Variants in SAMD13 observed in about 807,000 individuals in gnomAD.
SAMD13 encodes sterile alpha motif domain-containing protein 13.
A neutral mutation model predicts 12.4 loss-of-function variants in SAMD13; 9 were observed. The ratio of observed to expected loss-of-function variants is 0.72; its 90% confidence interval spans 0.44 to 1.26. The LOEUF (loss-of-function observed/expected upper bound fraction) is 1.26, where lower values mean the gene tolerates loss of function less well. Ranked by LOEUF, SAMD13 falls within the 50% of genes most tolerant of loss-of-function variation. The probability of loss-of-function intolerance (pLI) is 0.00; values close to 1 mark genes in which losing one functional copy is unlikely to be tolerated. For missense variants in SAMD13, 84 were observed against 119.6 expected (o/e 0.70, Z 1.39); for synonymous variants, 46 against 45.4 (o/e 1.01, Z -0.05).
chr1:84,336,599 G>C (rs1465869953), intron 3 of SAMD13, among the ~76,000 whole-genome samples: 1 of 152,128 alleles, frequency 6.6e-6, no homozygotes, highest in East Asian at 1.9e-4. Flanking sequence ...CTCCCACCGG[G>C]TCCCTCCAAC....
chr1:84,346,047 T>C (rs1383793986), intron 3 of SAMD13, among the ~76,000 whole-genome samples: 4 of 152,128 alleles, frequency 2.6e-5, no homozygotes, highest in African/African-American at 9.7e-5. Flanking sequence ...GAGTGATCAG[T>C]GCATGTCAGG....
chr1:84,330,294 A>G (rs1323022012), intron 3 of SAMD13, among the ~76,000 whole-genome samples: 1 of 152,148 alleles, frequency 6.6e-6, no homozygotes, highest in Non-Finnish European at 1.5e-5. Flanking sequence ...GGTCCTCAAG[A>G]AGTATGCTTT....
intron 3 of SAMD13, among the ~76,000 whole-genome samples, chr1:84,342,935 G>C (rs1012674526): frequency 6.6e-6 from 1 of 151,654 alleles, no homozygotes; most frequent in Admixed American, 6.6e-5. Flanking sequence ...TAGCGTGGGA[G>C]AAAAATTTTG....
chr1:84,347,594 C>T (rs927650402), intron 3 of SAMD13, among the ~76,000 whole-genome samples: 1 of 152,138 alleles, frequency 6.6e-6, no homozygotes, highest in Non-Finnish European at 1.5e-5. Context: ...CTGTTTAAAA[C>T]ATGTAGTAAG....
intron 1 of SAMD13, 112 bp downstream of exon 1, chr1:84,301,913 G>GC: frequency 6.0e-6 from 2 of 332,218 alleles, no homozygotes; most frequent in Non-Finnish European, 8.6e-6. Context: ...TGTTTTCTGA[G>GC]ATGCTTAGAA....
At chr1:84,345,175 T>C (rs766928398) in intron 3 of SAMD13, 2 of 456,378 alleles carry the variant, frequency 4.4e-6, no homozygotes, top group South Asian at 3.1e-5. Context: ...AGCCAGACAG[T>C]AAATGGCAAG....
intron 3 of SAMD13, among the ~76,000 whole-genome samples, chr1:84,328,676 ATT>A (rs1247389086): frequency 2.0e-5 from 3 of 152,090 alleles, no homozygotes; most frequent in Non-Finnish European, 4.4e-5. Flanking sequence ...GGGCATCAGC[ATT>A]TTACCTCTGG....
intron 2 of SAMD13, among the ~76,000 whole-genome samples, chr1:84,307,214 A>T (rs1249620517): frequency 6.6e-6 from 1 of 152,136 alleles, no homozygotes; most frequent in Non-Finnish European, 1.5e-5. Context: ...TTCATTGATG[A>T]TTGGTTCATT....
intron 3 of SAMD13, among the ~76,000 whole-genome samples, chr1:84,327,174 T>C (rs1170913652): frequency 6.6e-6 from 1 of 152,140 alleles, no homozygotes; most frequent in African/African-American, 2.4e-5. Context: ...TGGTCAAAAA[T>C]TTGAAGCCTA....
At chr1:84,303,359 T>C in intron 2 of SAMD13, 72 bp downstream of exon 2, 2 of 1,263,966 alleles carry the variant, frequency 1.6e-6, no homozygotes, top group South Asian at 1.2e-5. Context: ...TTCGTACTTC[T>C]TGCTTATCTA....
At chr1:84,304,393 A>G (rs1296748962) in intron 2 of SAMD13, 1 of 152,144 alleles carries the variant, frequency 6.6e-6, no homozygotes, top group Admixed American at 6.5e-5. Flanking sequence ...TGTGCTGTCT[A>G]AAATGGTAGC....
At chr1:84,299,175 G>A (rs1241564958), upstream of SAMD13, among the ~76,000 whole-genome samples, 3 of 152,098 alleles carry the variant, frequency 2.0e-5, no homozygotes, top group African/African-American at 7.2e-5. Flanking sequence ...GTCGGATCCC[G>A]GGAGGCAGGG....
intron 2 of SAMD13, among the ~76,000 whole-genome samples, chr1:84,309,164 G>A (rs941723527): frequency 1.3e-5 from 2 of 152,236 alleles, no homozygotes; most frequent in African/African-American, 4.8e-5. Flanking sequence ...AAAATGACAT[G>A]AGAAAGTGGC....
At chr1:84,299,673 A>ATT (rs1553199283), upstream of SAMD13, 65 of 900,494 alleles carry the variant, frequency 7.2e-5, no homozygotes, top group Middle Eastern at 3.0e-4. Context: ...ATATATATAT[A>ATT]TATTTATTTA....
At chr1:84,327,134 A>T (rs906506712) in intron 3 of SAMD13, among the ~76,000 whole-genome samples, 3 of 152,200 alleles carry the variant, frequency 2.0e-5, no homozygotes, top group Non-Finnish European at 2.9e-5. Flanking sequence ...AAAGATTTGT[A>T]CAAAATTGTT....
intron 2 of SAMD13, 44 bp from the exon 3 acceptor site, chr1:84,325,593 G>A (rs373383377): frequency 1.7e-6 from 2 of 1,207,906 alleles, no homozygotes; most frequent in Admixed American, 1.7e-5. Flanking sequence ...CCACACCCTT[G>A]TGCAGGCACT....
At chr1:84,324,928 A>C (rs1329407986) in intron 2 of SAMD13, among the ~76,000 whole-genome samples, 1 of 152,142 alleles carries the variant, frequency 6.6e-6, no homozygotes, top group Non-Finnish European at 1.5e-5. Flanking sequence ...TCCTAAGTAC[A>C]CACTTGATAC....
intron 2 of SAMD13, among the ~76,000 whole-genome samples, chr1:84,317,190 A>G (rs1050818345): frequency 4.0e-5 from 6 of 151,822 alleles, no homozygotes; most frequent in Admixed American, 2.6e-4. Context: ...TTTGGAGGCT[A>G]TTTATTTCTT....
intron 2 of SAMD13, chr1:84,304,158 T>C (rs895384266): frequency 2.4e-4 from 36 of 152,322 alleles, no homozygotes; most frequent in African/African-American, 8.4e-4. Flanking sequence ...AGAAGGTATA[T>C]TTTGCTTCAC....
Sources: allele counts gnomAD v4.1 joint callset (sites outside exome capture counted in the v4.1 genomes callset), GRCh38; gene constraint gnomAD v4.1.1; transcripts MANE v1.5; gene names NCBI Gene and HGNC (gene_info 2026-07-23, HGNC 2026-07-21).